Variants in RSF1 observed in about 807,000 individuals in gnomAD.
RSF1 encodes the protein HBV pX-associated protein 8.
RSF1 carries 13 observed loss-of-function variants against 145.2 expected under a neutral mutation model. The ratio of observed to expected loss-of-function variants is 0.09; its 90% confidence interval spans 0.06 to 0.14. The LOEUF is 0.14. Ranked by LOEUF, RSF1 falls within the 10% of genes least tolerant of loss-of-function variation. The pLI is 1.00. For synonymous variants in RSF1, 577 were observed against 592.6 expected (o/e 0.97, Z 0.38); for missense variants, 1,517 against 1,718.2 (o/e 0.88, Z 2.07).
chr11:77,868,501 G>C, the RSF1 span, among the ~76,000 whole-genome samples: 11 of 151,718 alleles, frequency 7.3e-5, no homozygotes, highest in African/African-American at 2.7e-4. Context: ...TGGGACTACA[G>C]GCACGCGCCA....
intron 2 of RSF1, among the ~76,000 whole-genome samples, chr11:77,752,858 T>C (rs1272963850): frequency 6.6e-6 from 1 of 152,068 alleles, no homozygotes; most frequent in Non-Finnish European, 1.5e-5. Flanking sequence ...ACCTTGCTGA[T>C]AAAACAGGTT....
chr11:77,828,373 G>C, the RSF1 span, among the ~76,000 whole-genome samples: 1 of 151,830 alleles, frequency 6.6e-6, no homozygotes, highest in Non-Finnish European at 1.5e-5. Flanking sequence ...AGAAATACAA[G>C]AATGAAAATT....
chr11:77,737,774 A>T (rs952191576), intron 4 of RSF1, among the ~76,000 whole-genome samples: 1 of 152,110 alleles, frequency 6.6e-6, no homozygotes. Flanking sequence ...CTTTCTGCTG[A>T]TAAATATTTC....
chr11:77,692,232 A>ATTTTTT (rs1565149884), intron 8 of RSF1, among the ~76,000 whole-genome samples: 2 of 59,758 alleles, frequency 3.3e-5, no homozygotes, highest in South Asian at 7.5e-4. Flanking sequence ...ACTACTTTTA[A>ATTTTTT]ATTTTTTTTT....
chr11:77,717,809 A>T (rs1429554654), intron 5 of RSF1: 1 of 152,258 alleles, frequency 6.6e-6, no homozygotes, highest in Non-Finnish European at 1.5e-5. Flanking sequence ...CATCAAAGTT[A>T]CAAAGAAATC....
chr11:77,785,185 A>G (rs1281574817), intron 1 of RSF1, among the ~76,000 whole-genome samples: 1 of 152,224 alleles, frequency 6.6e-6, no homozygotes, highest in East Asian at 1.9e-4. Context: ...CCTTAGTACA[A>G]TATCTAAAAA....
Position 77,788,843 on chromosome 11 carries a change from T to C in RSF1, c.188-24154A>G, listed in dbSNP as rs1034214701. 2.6e-5 allele frequency among the ~76,000 whole-genome samples: 4 copies of C among 151,868 alleles called. No homozygotes were observed. The East Asian group carries it at 5.8e-4, about 22-fold the overall frequency. ...CCTCCTCTACTAAGAACAACCAAAA[T>C]AGTGAGTAGATAATGACACTTTGAA... On this transcript the variant is annotated intron_variant, in intron 1 of 15. Coordinates refer to ENST00000308488, the MANE Select transcript of RSF1 (RefSeq NM_016578.4).
intron 1 of RSF1, among the ~76,000 whole-genome samples, chr11:77,765,430 C>T (rs1419049212): frequency 6.6e-6 from 1 of 152,208 alleles, no homozygotes; most frequent in African/African-American, 2.4e-5. Flanking sequence ...AAAAAAATTA[C>T]TTACCTTCCA....
chr11:77,846,258 C>T, the RSF1 span, among the ~76,000 whole-genome samples: 134 of 152,302 alleles, frequency 8.8e-4, no homozygotes, highest in Non-Finnish European at 1.7e-3. Flanking sequence ...CATGTGTCTA[C>T]CAGTTGCCTT....
In RSF1 at chr11:77,764,709, AT is replaced by A. The variant is rs1470916223; in HGVS notation, c.188-21del. ...TTGGTACTTAAAAGAAAGAAAAAAA[AT>A]ATCATTAGCCAACAAAATAAAACAA... On this transcript the variant is annotated intron_variant, in intron 1 of 15. Coordinates refer to ENST00000308488, the MANE Select transcript of RSF1 (RefSeq NM_016578.4). The A allele has an allele frequency of 7.3e-6, 10 of 1,370,572 alleles. No individual in the cohort carries two copies. Among genetic ancestry groups the A allele is most frequent in the Middle Eastern group, 1.8e-4 (1 of 5,604 alleles). 84.9% of individuals were successfully genotyped at this position (1,370,572 alleles called of 1,614,324 possible).
intron 9 of RSF1, among the ~76,000 whole-genome samples, chr11:77,685,778 A>C (rs1361997197): frequency 1.3e-5 from 2 of 152,214 alleles, no homozygotes; most frequent in East Asian, 3.8e-4. Context: ...ATAAGATTAG[A>C]TGGAAAGCCA....
chr11:77,810,567 T>C (rs1948720671), intron 1 of RSF1, among the ~76,000 whole-genome samples: 1 of 152,168 alleles, frequency 6.6e-6, no homozygotes, highest in Non-Finnish European at 1.5e-5. Flanking sequence ...TTTTTATTTT[T>C]TGGGGGGGAG....
chr11:77,715,155 T>G (rs1209674750), intron 5 of RSF1, among the ~76,000 whole-genome samples: 1 of 152,036 alleles, frequency 6.6e-6, no homozygotes, highest in Non-Finnish European at 1.5e-5. Context: ...TTGGGAATGA[T>G]AGAGGAGTTA....
chr11:77,724,261 C>T (rs1289535228), intron 5 of RSF1, among the ~76,000 whole-genome samples: 1 of 152,140 alleles, frequency 6.6e-6, no homozygotes, highest in African/African-American at 2.4e-5. Context: ...AACTAGAGTC[C>T]TTGGGCACTA....
At chr11:77,793,973 AG>A (rs1246802754) in intron 1 of RSF1, among the ~76,000 whole-genome samples, 1 of 152,234 alleles carries the variant, frequency 6.6e-6, no homozygotes, top group African/African-American at 2.4e-5. Flanking sequence ...GGATGAATCC[AG>A]CAAAAGGATA....
intron 11 of RSF1, among the ~76,000 whole-genome samples, chr11:77,683,473 G>A (rs1414851620): frequency 6.6e-5 from 10 of 151,820 alleles, no homozygotes; most frequent in Admixed American, 2.0e-4. Context: ...GGAGGCTGAG[G>A]AGGGCAAATC....
chr11:77,714,404 C>T (rs1960758115), intron 5 of RSF1, among the ~76,000 whole-genome samples: 1 of 152,172 alleles, frequency 6.6e-6, no homozygotes, highest in South Asian at 2.1e-4. Flanking sequence ...GATAAATTTT[C>T]CCCTTCTAAT....
intron 5 of RSF1, among the ~76,000 whole-genome samples, chr11:77,709,067 A>G (rs1051421178): frequency 1.3e-5 from 2 of 152,222 alleles, no homozygotes; most frequent in African/African-American, 4.8e-5. Context: ...TTGCTCTAAC[A>G]TAGTAAGTAA....
chr11:77,667,486 A>G lies in RSF1; in HGVS notation c.3757T>C (p.Tyr1253His), dbSNP rs144647956. Residue 1253 changes from tyrosine to histidine, a missense_variant, in exon 16 of 16, where the codon TAT (tyrosine) becomes CAT (histidine). This residue lies in a region of RSF1 where 240 missense variants were observed against 231.8 expected (regional missense o/e 1.04). Transcript: ENST00000308488. ...RLSSSESEES[Y>H]LSKNSEDDEL... ...TCATCTTCAGAGTTCTTGGACAAAT[A>G]GCTCTCTAGAATAAACAGCACATTT... 3.5e-5 allele frequency: 56 copies of G among 1,607,988 alleles called. 1 individual carries two copies. In the African/African-American group the frequency reaches 6.4e-4, roughly 18 times the overall value.
Sources: gnomAD v4.1 joint callset for allele counts (sites outside exome capture counted in the v4.1 genomes callset) on GRCh38, gnomAD v4.1.1 for gene constraint, gnomAD v4.1.1 regional missense constraint, MANE v1.5 for transcripts, NCBI Gene and HGNC (gene_info 2026-07-23, HGNC 2026-07-21) for gene names.